MYO18A: variants seen among roughly 807,000 people sequenced by gnomAD.
MYO18A encodes unconventional myosin-XVIIIa.
MYO18A carries 78 observed loss-of-function variants against 235.8 expected under a neutral mutation model. The observed-to-expected ratio is 0.33, with a 90% CI of 0.28 to 0.40. The LOEUF (loss-of-function observed/expected upper bound fraction) is 0.40, where lower values mean the gene tolerates loss of function less well. MYO18A is among the 10% of genes least tolerant of loss of function. The probability of loss-of-function intolerance (pLI) is 1.00; values close to 1 mark genes in which losing one functional copy is unlikely to be tolerated. For missense variants in MYO18A, 2,215 were observed against 2,699.3 expected (o/e 0.82, Z 3.98); for synonymous variants, 977 against 1,077.8 (o/e 0.91, Z 1.83).
chr17:29,175,060 G>T (rs1227419020), intron 1 of MYO18A, among the ~76,000 whole-genome samples: 1 of 152,100 alleles, frequency 6.6e-6, no homozygotes, highest in Non-Finnish European at 1.5e-5. Context: ...GCTCTGGGGA[G>T]GAGACTGGAA....
At chr17:29,080,589 G>A in intron 41 of MYO18A, 1 of 985,804 alleles carries the variant, frequency 1.0e-6, no homozygotes, top group Non-Finnish European at 1.2e-6. Flanking sequence ...AACCGGGCGA[G>A]CCCGACAGCG....
chr17:29,100,606 T>A (rs2066630552), intron 21 of MYO18A, among the ~76,000 whole-genome samples: 1 of 152,124 alleles, frequency 6.6e-6, no homozygotes, highest in Non-Finnish European at 1.5e-5. Flanking sequence ...AAGGGAAGTG[T>A]GTGTGAAACG....
In MYO18A at chr17:29,087,139, G is replaced by A; in HGVS notation, c.5527-18C>T. On this transcript the variant is annotated intron_variant, in intron 37 of 41. Transcript: ENST00000527372. ...GCCAGGCTCTGGATAGGTAGGTGGG[G>A]AAGAAAGACACAGCAGGCAGGCCCA... 2 of 1,605,616 alleles carry A rather than the reference G, an allele frequency of 1.2e-6. No homozygotes were observed. The highest frequency in any genetic ancestry group is 1.7e-5 in the Admixed American group (1 of 59,416).
At chr17:29,085,524 G>T (rs2066231768) in intron 40 of MYO18A, 80 bp downstream of exon 40, 1 of 1,321,288 alleles carries the variant, frequency 7.6e-7, no homozygotes, top group Non-Finnish European at 1.1e-6. Flanking sequence ...GCGTGCAGCG[G>T]CCCCAGGGTG....
intron 12 of MYO18A, 90 bp from the exon 13 acceptor site, chr17:29,115,531 G>A (rs923826213): frequency 2.7e-6 from 4 of 1,490,618 alleles, no homozygotes; most frequent in African/African-American, 1.4e-5. Flanking sequence ...CAGTCAGCAC[G>A]GGGCCTGGGG....
At chr17:29,077,855 C>A (rs2066020386) in intron 41 of MYO18A, 1 of 152,250 alleles carries the variant, frequency 6.6e-6, no homozygotes, top group African/African-American at 2.4e-5. Context: ...AGGCCCATGT[C>A]CATCTGGGGG....
chr17:29,083,710 A>G (rs1229642673), intron 40 of MYO18A, among the ~76,000 whole-genome samples: 2 of 152,048 alleles, frequency 1.3e-5, no homozygotes, highest in African/African-American at 4.8e-5. Context: ...TTAGCAGACA[A>G]CCTCGAAACT....
At chr17:29,128,349 C>T (rs933248217) in intron 2 of MYO18A, 100 of 1,279,382 alleles carry the variant, frequency 7.8e-5, no homozygotes, top group Non-Finnish European at 9.0e-5. Flanking sequence ...ACCTTCCTCA[C>T]TGCATTTGCC....
intron 41 of MYO18A, chr17:29,080,547 G>A: frequency 1.0e-5 from 10 of 986,054 alleles, no homozygotes; most frequent in Non-Finnish European, 1.2e-5. Flanking sequence ...GTGTCCTGGA[G>A]AGGCTGTCGA....
chr17:29,091,362 C>A (rs549552583), intron 34 of MYO18A: 25 of 336,060 alleles, frequency 7.4e-5, no homozygotes, highest in East Asian at 5.8e-4. Flanking sequence ...CTGCCCACTC[C>A]CTGGGCATCC....
In MYO18A at chr17:29,092,418, T is replaced by C; in HGVS notation, c.5112A>G (p.Lys1704=). 3.1e-6 allele frequency: 5 copies of C among 1,612,666 alleles called. No individual in the cohort carries two copies. The highest frequency in any genetic ancestry group is 4.2e-6 in the Non-Finnish European group (5 of 1,179,846). The change falls in exon 34 of 42, where the codon AAA becomes AAG. Residue 1704 remains lysine, a synonymous_variant. Transcript: ENST00000527372. ...TCTCCACCTCCATTGCTTTCCGTGC[T>C]TTCACGGCTGCCGCACAGGTGAACT... ...ESEFTCAAAV[K]ARKAMEVEIE...
Position 29,109,788 on chromosome 17 carries a change from TGGGAGGTGGGGCCGGGCAG to T in MYO18A, c.3331+51_3331+69del. 1 of 1,520,968 alleles carries T rather than the reference TGGGAGGTGGGGCCGGGCAG, an allele frequency of 6.6e-7. No homozygotes were observed. The highest frequency in any genetic ancestry group is 8.9e-7 in the Non-Finnish European group (1 of 1,127,286). 94.2% of individuals were successfully genotyped at this position (1,520,968 alleles called of 1,614,324 possible). A position where few individuals can be genotyped will look rare whatever the true frequency, so the allele number is the denominator to read the frequency against. On this transcript the variant is annotated intron_variant, in intron 19 of 41. Coordinates refer to ENST00000527372, the MANE Select transcript of MYO18A (RefSeq NM_078471.4). The surrounding 1 kb of genome is among the most constrained non-coding windows in gnomAD (Gnocchi z 4.1). ...CCCACTGCAGCCCACGGGTCGCAGG[TGGGAGGTGGGGCCGGGCAG>T]GGCCAGCTCTGGAAAAGAGAGCCCA...
chr17:29,074,165 G>C lies in MYO18A; in HGVS notation c.*605C>G. 1 of 1,612,496 alleles carries C rather than the reference G, an allele frequency of 6.2e-7. No homozygotes were observed. The highest frequency in any genetic ancestry group is 8.5e-7 in the Non-Finnish European group (1 of 1,179,060). On this transcript the variant is annotated 3_prime_UTR_variant, in exon 42 of 42. Coordinates refer to ENST00000527372, the MANE Select transcript of MYO18A (RefSeq NM_078471.4). The surrounding 1 kb of genome is among the most constrained non-coding windows in gnomAD (Gnocchi z 4.4). ...AGCGTCTCCAGCTGCACAGAGAAAG[G>C]ACTGCTCTCTGAAGGGTGAAGATGG...
rs1244993769 is a variant in MYO18A at position 29,125,871 on chromosome 17, C to CCA, written c.1000-3620_1000-3619dup. The CCA allele has an allele frequency of 1.0e-6, 1 of 984,268 alleles. No individual in the cohort carries two copies. The highest frequency in any genetic ancestry group is 6.1e-5 in the Admixed American group (1 of 16,270). 61.0% of individuals were successfully genotyped at this position (984,268 alleles called of 1,614,324 possible). A position where few individuals can be genotyped will look rare whatever the true frequency, so the allele number is the denominator to read the frequency against. On this transcript the variant is annotated intron_variant, in intron 2 of 41. Transcript: ENST00000527372. This position sits in a 1 kb window ranked among gnomAD's most constrained non-coding sequence, Gnocchi z 5.1. Reference sequence around the variant, plus strand: ...GAAGAGGGCGGCCAGGGACTGGGACCCACACACAAGAGTGGCATTACAGAA... The same window carrying CCA: ...GAAGAGGGCGGCCAGGGACTGGGACCCACACACACAAGAGTGGCATTACAGAA...
rs887469572 is a variant in MYO18A at position 29,074,702 on chromosome 17, C to A, written c.*68G>T. The A allele has an allele frequency of 8.3e-6, 13 of 1,575,704 alleles. No individual in the cohort carries two copies. The highest frequency in any genetic ancestry group is 1.3e-5 in the African/African-American group (1 of 74,400). On this transcript the variant is annotated 3_prime_UTR_variant, in exon 42 of 42. Transcript: ENST00000527372. The surrounding 1 kb of genome is among the most constrained non-coding windows in gnomAD (Gnocchi z 4.4). ...GGTGGGGGAGACCGGTGCCCCACCA[C>A]TTCCTGGGAGAGGTGCCCAGGCAGC... is the stretch of plus-strand genomic sequence containing the variant.
At chr17:29,151,960 G>C (rs1344853868) in intron 2 of MYO18A, among the ~76,000 whole-genome samples, 2 of 152,194 alleles carry the variant, frequency 1.3e-5, no homozygotes, top group Non-Finnish European at 2.9e-5. Context: ...GGACACGGTG[G>C]AGAATGGACT....
intron 41 of MYO18A, 83 bp downstream of exon 41, chr17:29,082,233 G>A: frequency 6.4e-7 from 1 of 1,568,576 alleles, no homozygotes; most frequent in Non-Finnish European, 8.7e-7. Flanking sequence ...ACACAGGCCT[G>A]CCCTCATGGG....
chr17:29,119,923 T>G (rs143127890), intron 7 of MYO18A, among the ~76,000 whole-genome samples: 3 of 152,082 alleles, frequency 2.0e-5, no homozygotes, highest in African/African-American at 7.2e-5. Flanking sequence ...TTGCCCAGGC[T>G]GGAGTGCAGT....
At chr17:29,084,800 T>C (rs185613720) in intron 40 of MYO18A, among the ~76,000 whole-genome samples, 1 of 148,554 alleles carries the variant, frequency 6.7e-6, no homozygotes, top group Non-Finnish European at 1.5e-5. Context: ...AATGCCATGC[T>C]AAAAAAAAAA....
Sources: gnomAD v4.1 joint callset for allele counts (sites outside exome capture counted in the v4.1 genomes callset) on GRCh38, gnomAD v4.1.1 for gene constraint, Gnocchi (gnomAD v3.1) non-coding constraint, MANE v1.5 for transcripts, NCBI Gene and HGNC (gene_info 2026-07-23, HGNC 2026-07-21) for gene names.